SATL1: variants seen among roughly 807,000 people sequenced by gnomAD.
SATL1 encodes the protein spermidine/spermine N(1)-acetyltransferase-like protein 1.
In SATL1, 47 loss-of-function variants were observed where a neutral mutation model predicts 51.8. The observed-to-expected ratio is 0.91, with a 90% CI of 0.72 to 1.16. SATL1 has a LOEUF of 1.16. Ranked by LOEUF, SATL1 falls within the 50% of genes most tolerant of loss-of-function variation. The pLI is 0.00. For synonymous variants in SATL1, 176 were observed against 182.4 expected, an observed-to-expected ratio of 0.97 and a Z score of 0.28; for missense variants, 520 against 526.4, an observed-to-expected ratio of 0.99 and a Z score of 0.12.
intron 2 of SATL1, among the ~76,000 whole-genome samples, chrX:85,223,488 A>C: frequency 9.0e-6 from 1 of 111,408 alleles, no homozygotes; most frequent in Non-Finnish European, 1.9e-5. Flanking sequence ...CTCTAAAGTG[A>C]AGGGGTTAGA....
intron 2 of SATL1, among the ~76,000 whole-genome samples, chrX:85,213,313 T>C (rs1927967923): frequency 8.9e-6 from 1 of 112,046 alleles, no homozygotes; most frequent in African/African-American, 3.2e-5. Flanking sequence ...CTCAAGGTAA[T>C]GTTGAACACT....
At chrX:85,205,112 C>T (rs996571949) in intron 2 of SATL1, among the ~76,000 whole-genome samples, 1 of 111,861 alleles carries the variant, frequency 8.9e-6, no homozygotes, top group Non-Finnish European at 1.9e-5. Flanking sequence ...TTAGCATTAT[C>T]TTGGATATTT....
At chrX:85,149,340 T>A (rs1263993976) in intron 2 of SATL1, among the ~76,000 whole-genome samples, 7 of 110,321 alleles carry the variant, frequency 6.3e-5, no homozygotes, top group Admixed American at 2.9e-4. Context: ...CTACAAAGAG[T>A]CTTAGACTCC....
chrX:85,116,395 G>T (rs886291319), intron 2 of SATL1, among the ~76,000 whole-genome samples: 2 of 111,840 alleles, frequency 1.8e-5, no homozygotes, highest in African/African-American at 6.5e-5. Flanking sequence ...TTGACTTGGG[G>T]TTTTATATGT....
chrX:85,115,883 G>C (rs925688023), intron 2 of SATL1, among the ~76,000 whole-genome samples: 9 of 104,522 alleles, frequency 8.6e-5, no homozygotes, highest in Non-Finnish European at 1.6e-4. Context: ...TGGACCCCAG[G>C]ATCCTTCCCA....
At chrX:85,114,282 G>T (rs758549092) in intron 2 of SATL1, among the ~76,000 whole-genome samples, 1 of 111,406 alleles carries the variant, frequency 9.0e-6, no homozygotes, top group South Asian at 3.8e-4. Flanking sequence ...CAAAAGAAAT[G>T]TTTTCTTGAC....
At chrX:85,119,179 A>C (rs1470173207) in intron 2 of SATL1, among the ~76,000 whole-genome samples, 3 of 111,193 alleles carry the variant, frequency 2.7e-5, no homozygotes, top group Non-Finnish European at 3.8e-5. Flanking sequence ...AGGCTTAGAG[A>C]AGCTACAGTC....
chrX:85,133,178 T>C (rs1271505946), intron 2 of SATL1, among the ~76,000 whole-genome samples: 2 of 111,850 alleles, frequency 1.8e-5, no homozygotes, highest in Non-Finnish European at 3.8e-5. Context: ...GGAGAACCAC[T>C]ACGCTCTTCA....
At position 85,109,243 on chromosome X, in the gene SATL1, A is replaced by G; in HGVS notation, c.-275T>C. ...TGACTTCACCAGCGACCACAGCTGC[A>G]AGCTTGGCTGAGTTTCAGGTTGTCA... On this transcript the variant is annotated 5_prime_UTR_variant, in exon 3 of 8. Transcript: ENST00000644105. The G allele has an allele frequency of 2.7e-6, 1 of 373,424 alleles. No individual in the cohort carries two copies. Among genetic ancestry groups the G allele is most frequent in the Non-Finnish European group, 4.7e-6 (1 of 214,916 alleles). The allele number at this position is 373,424 out of a possible 1,213,427, so 30.8% of individuals were successfully genotyped here.
chrX:85,185,848 C>T (rs910902105), intron 2 of SATL1, among the ~76,000 whole-genome samples: 2 of 110,487 alleles, frequency 1.8e-5, no homozygotes, highest in African/African-American at 6.6e-5. Flanking sequence ...ACCTAAGTTG[C>T]AAGACAAAGT....
At chrX:85,167,181 C>T (rs994862905) in intron 2 of SATL1, among the ~76,000 whole-genome samples, 6 of 104,754 alleles carry the variant, frequency 5.7e-5, no homozygotes, top group African/African-American at 1.4e-4. Flanking sequence ...ACTTGTAAGC[C>T]GGAGCTAAGC....
intron 2 of SATL1, among the ~76,000 whole-genome samples, chrX:85,189,932 C>T (rs1197013571): frequency 1.8e-5 from 2 of 112,010 alleles, no homozygotes; most frequent in African/African-American, 6.5e-5. Flanking sequence ...TTGCCAAGCT[C>T]CTTTTTAGAA....
intron 4 of SATL1, among the ~76,000 whole-genome samples, chrX:85,101,790 G>GAT (rs778061366): frequency 8.1e-5 from 9 of 110,984 alleles, no homozygotes; most frequent in Non-Finnish European, 1.3e-4. Context: ...TAAACAAAAT[G>GAT]ATATATATAT....
At chrX:85,161,320 C>A (rs1253040723) in intron 2 of SATL1, among the ~76,000 whole-genome samples, 2 of 110,898 alleles carry the variant, frequency 1.8e-5, no homozygotes, top group Admixed American at 1.9e-4. Flanking sequence ...TACTAACCTT[C>A]AATGCAAATG....
At chrX:85,194,643 AC>A (rs1440179176) in intron 2 of SATL1, among the ~76,000 whole-genome samples, 1 of 110,497 alleles carries the variant, frequency 9.1e-6, no homozygotes, top group Non-Finnish European at 1.9e-5. Flanking sequence ...TCAGTGATAG[AC>A]TGGATAAAGA....
intron 1 of SATL1, among the ~76,000 whole-genome samples, chrX:85,228,326 A>T (rs1400479577): frequency 9.1e-6 from 1 of 110,493 alleles, no homozygotes; most frequent in Non-Finnish European, 1.9e-5. Context: ...CATTCCAGTA[A>T]TTTTTTTCTT....
intron 2 of SATL1, among the ~76,000 whole-genome samples, chrX:85,178,449 A>G (rs1382378062): frequency 9.1e-6 from 1 of 109,824 alleles, no homozygotes; most frequent in African/African-American, 3.3e-5. Flanking sequence ...CAGTCTCCCT[A>G]TGTTTCCCAG....
chrX:85,191,184 G>A (rs1349428034), intron 2 of SATL1, among the ~76,000 whole-genome samples: 1 of 110,467 alleles, frequency 9.1e-6, no homozygotes, highest in Non-Finnish European at 1.9e-5. Flanking sequence ...ATTCTAGAAG[G>A]CAATACTTCT....
chrX:85,162,400 C>T (rs191807959), intron 2 of SATL1, among the ~76,000 whole-genome samples: 4 of 111,200 alleles, frequency 3.6e-5, no homozygotes, highest in African/African-American at 1.3e-4. Context: ...TATCCTGAAA[C>T]CTTACTGAAT....
Sources: gnomAD v4.1 joint callset for allele counts (sites outside exome capture counted in the v4.1 genomes callset) on GRCh38, gnomAD v4.1.1 for gene constraint, MANE v1.5 for transcripts, NCBI Gene and HGNC (gene_info 2026-07-23, HGNC 2026-07-21) for gene names.